The following HDAC9 variants were observed in gnomAD, a reference collection of about 807,000 sequenced individuals.
The protein encoded by HDAC9 is histone deacetylase 9.
In HDAC9, 41 loss-of-function variants were observed where a neutral mutation model predicts 139.4. That is an observed-to-expected ratio of 0.29 (90% CI 0.23 to 0.38). The LOEUF is 0.38. HDAC9 is among the 10% of genes least tolerant of loss of function. HDAC9 has a pLI of 1.00. For missense variants in HDAC9, 1,147 were observed against 1,297.0 expected (o/e 0.88, Z 1.78); for synonymous variants, 517 against 476.2 (o/e 1.09, Z -1.12).
At chr7:18,667,880 T>TTAGTTAGTTTTGTA in intron 12 of HDAC9, 1 of 982,962 alleles carries the variant, frequency 1.0e-6, no homozygotes, top group Non-Finnish European at 1.2e-6. Context: ...TTACTTTTGT[T>TTAGTTAGTTTTGTA]AAGCTAGTTA....
At chr7:18,405,199 A>G (rs1787898424) in intron 1 of HDAC9, among the ~76,000 whole-genome samples, 1 of 152,232 alleles carries the variant, frequency 6.6e-6, no homozygotes, top group African/African-American at 2.4e-5. Flanking sequence ...CATGCTGTAC[A>G]TAGACAGCTT....
intron 16 of HDAC9, among the ~76,000 whole-genome samples, chr7:18,783,946 G>T (rs1791469869): frequency 6.6e-6 from 1 of 151,826 alleles, no homozygotes; most frequent in African/African-American, 2.4e-5. Flanking sequence ...TGTCCTTTTA[G>T]CTGGGACACA....
At chr7:18,464,085 T>A (rs1484616772) in intron 1 of HDAC9, among the ~76,000 whole-genome samples, 5 of 152,016 alleles carry the variant, frequency 3.3e-5, no homozygotes, top group African/African-American at 1.2e-4. Context: ...TATTTGACTT[T>A]TATTTTAAAC....
At chr7:18,537,042 T>C (rs548919678) in intron 2 of HDAC9, among the ~76,000 whole-genome samples, 1 of 152,308 alleles carries the variant, frequency 6.6e-6, no homozygotes, top group Non-Finnish European at 1.5e-5. Context: ...CTTGGGATCA[T>C]CTGAACTATG....
At chr7:18,639,454 C>CT (rs1359944480) in intron 8 of HDAC9, among the ~76,000 whole-genome samples, 2 of 151,514 alleles carry the variant, frequency 1.3e-5, no homozygotes, top group Admixed American at 1.3e-4. Flanking sequence ...AATGATCTTT[C>CT]TTTTTTTGTT....
At chr7:18,316,733 C>T (rs1045506614) in intron 1 of HDAC9, among the ~76,000 whole-genome samples, 6 of 151,814 alleles carry the variant, frequency 4.0e-5, no homozygotes, top group African/African-American at 1.5e-4. Context: ...AGGAGGATCG[C>T]TTGAGCCCAG....
intron 1 of HDAC9, among the ~76,000 whole-genome samples, chr7:18,353,205 A>G (rs1417347401): frequency 2.0e-5 from 3 of 152,206 alleles, no homozygotes; most frequent in Non-Finnish European, 4.4e-5. Context: ...TATTGTACAA[A>G]GAAACTTCTT....
intron 2 of HDAC9, among the ~76,000 whole-genome samples, chr7:18,551,327 A>G (rs961039297): frequency 1.3e-5 from 2 of 152,188 alleles, no homozygotes; most frequent in Non-Finnish European, 2.9e-5. Flanking sequence ...AGTTCATGAA[A>G]GAGATCCAGG....
chr7:18,824,090 C>A (rs2588607), intron 17 of HDAC9, among the ~76,000 whole-genome samples: 2 of 123,078 alleles, frequency 1.6e-5, no homozygotes, highest in East Asian at 3.4e-4. Flanking sequence ...AGAAGAAGAA[C>A]AAGAACAAGA....
intron 14 of HDAC9, among the ~76,000 whole-genome samples, chr7:18,761,272 T>G (rs1212578382): frequency 2.6e-5 from 4 of 152,198 alleles, no homozygotes; most frequent in Non-Finnish European, 5.9e-5. Flanking sequence ...TTTGACCTAA[T>G]GAACAGTTTT....
rs555330448 is a variant in HDAC9 at position 18,570,384 on chromosome 7, C to T, written c.23-14897C>T. On this transcript the variant is annotated intron_variant, in intron 2 of 25. Transcript: ENST00000686413. ...GTGTCAAAATATGAAGAAATATATTCAATTACACATATCTCTGTGGAATAT... is the reference window on the plus strand; with the variant it reads ...GTGTCAAAATATGAAGAAATATATTTAATTACACATATCTCTGTGGAATAT... Among the ~76,000 whole-genome samples the T allele has an allele frequency of 2.0e-5, 3 of 152,164 alleles. No individual in the cohort carries two copies. The East Asian group carries it at 5.8e-4, about 29-fold the overall frequency.
chr7:18,656,477 C>T (rs1317445969), intron 11 of HDAC9, among the ~76,000 whole-genome samples: 1 of 152,080 alleles, frequency 6.6e-6, no homozygotes, highest in Non-Finnish European at 1.5e-5. Flanking sequence ...GCATAGCTCA[C>T]ATGAATTGCA....
chr7:18,126,825 G>C (rs749007728), intron 1 of HDAC9, among the ~76,000 whole-genome samples: 1 of 152,140 alleles, frequency 6.6e-6, no homozygotes, highest in African/African-American at 2.4e-5. Context: ...ATTAAAGATA[G>C]TAGTAGTTTG....
At chr7:18,538,726 G>T (rs922991715) in intron 2 of HDAC9, among the ~76,000 whole-genome samples, 2 of 152,168 alleles carry the variant, frequency 1.3e-5, no homozygotes, top group African/African-American at 4.8e-5. Context: ...TTCCAAGAAT[G>T]GAGTATAGGA....
intron 1 of HDAC9, among the ~76,000 whole-genome samples, chr7:18,415,873 T>C (rs1417403249): frequency 1.3e-5 from 2 of 152,212 alleles, no homozygotes; most frequent in African/African-American, 4.8e-5. Flanking sequence ...TTTTTAGTTA[T>C]AGGGAATTGC....
Position 18,734,387 on chromosome 7 carries a change from A to C in HDAC9, c.1909+6630A>C, listed in dbSNP as rs557287379. 2.6e-5 allele frequency among the ~76,000 whole-genome samples: 4 copies of C among 151,718 alleles called. No homozygotes were observed. In the South Asian group the frequency reaches 8.3e-4, roughly 32 times the overall value. ...AATGCTACCCCTCCCCCAGCCCTCC[A>C]CCTCTAGACAGGCCCTGGTGTGTGA... On this transcript the variant is annotated intron_variant, in intron 13 of 25. Transcript: ENST00000686413.
At chr7:18,935,332 T>C (rs1410808511) in intron 22 of HDAC9, among the ~76,000 whole-genome samples, 1 of 152,192 alleles carries the variant, frequency 6.6e-6, no homozygotes, top group Non-Finnish European at 1.5e-5. Flanking sequence ...GTAATAGATT[T>C]TACATTACAT....
At position 18,171,782 on chromosome 7, in the gene HDAC9, C is replaced by T. The variant is rs1179400406; in HGVS notation, c.25+9433C>T. On this transcript the variant is annotated intron_variant, in intron 2 of 12. Transcript: ENST00000417496. ...TCCGTATGTTGAACCAGCCTTGCAT[C>T]CCAGGGATGAAGCCAACTTGTTCGT... 3.9e-5 allele frequency among the ~76,000 whole-genome samples: 6 copies of T among 152,170 alleles called. No homozygotes were observed. The East Asian group carries it at 7.7e-4, about 20-fold the overall frequency.
chr7:18,419,425 T>A (rs536337005), intron 1 of HDAC9, among the ~76,000 whole-genome samples: 1 of 152,322 alleles, frequency 6.6e-6, no homozygotes, highest in East Asian at 1.9e-4. Context: ...TGTAAAGCCA[T>A]ATATGAGACC....
Sources: allele counts gnomAD v4.1 joint callset (sites outside exome capture counted in the v4.1 genomes callset), GRCh38; gene constraint gnomAD v4.1.1; transcripts MANE v1.5; gene names NCBI Gene and HGNC (gene_info 2026-07-23, HGNC 2026-07-21).